The following KLHL18 variants were observed in gnomAD, a reference collection of about 807,000 sequenced individuals.
The protein encoded by KLHL18 is kelch like family member 18.
In KLHL18, 38 loss-of-function variants were observed where a neutral mutation model predicts 58.5. The observed-to-expected ratio is 0.65, with a 90% CI of 0.50 to 0.85. KLHL18 has a LOEUF of 0.85. Among genes scored for constraint, KLHL18 ranks in the 40% least tolerant of loss-of-function variants. KLHL18 has a pLI of 0.00. For synonymous variants in KLHL18, 303 were observed against 301.9 expected, an observed-to-expected ratio of 1.00 and a Z score of -0.04; for missense variants, 624 against 778.4, an observed-to-expected ratio of 0.80 and a Z score of 2.36.
chr3:47,318,133 G>A (rs1232247637), intron 1 of KLHL18, among the ~76,000 whole-genome samples: 2 of 152,176 alleles, frequency 1.3e-5, no homozygotes, highest in Non-Finnish European at 2.9e-5. Flanking sequence ...CCAAAGTGCT[G>A]GGATTACAGG....
chr3:47,300,976 A>G (rs1163907970), intron 1 of KLHL18, among the ~76,000 whole-genome samples: 1 of 152,062 alleles, frequency 6.6e-6, no homozygotes, highest in Non-Finnish European at 1.5e-5. Flanking sequence ...CTAATGGGTA[A>G]TGATGTTGGA....
At chr3:47,320,217 GTTCT>G (rs1386606950) in intron 2 of KLHL18, among the ~76,000 whole-genome samples, 2 of 152,290 alleles carry the variant, frequency 1.3e-5, no homozygotes, top group East Asian at 3.9e-4. Flanking sequence ...TGATGCAAAT[GTTCT>G]TTCTATTTGT....
At chr3:47,326,411 G>A (rs751979003) in intron 3 of KLHL18, among the ~76,000 whole-genome samples, 14 of 152,234 alleles carry the variant, frequency 9.2e-5, no homozygotes, top group Non-Finnish European at 1.8e-4. Flanking sequence ...AGCTGTGTCA[G>A]CAAGGAAGAA....
chr3:47,299,826 CAAAAAAAAAAAAAAAAA>C (rs55695849), intron 1 of KLHL18, among the ~76,000 whole-genome samples: 2 of 43,788 alleles, frequency 4.6e-5, no homozygotes, highest in Admixed American at 7.9e-4. Context: ...TACTGTGTCT[CAAAAAAAAAAAAAAAAA>C]AAAAAAAAAA....
chr3:47,304,771 C>G (rs1046397069), intron 1 of KLHL18, among the ~76,000 whole-genome samples: 2 of 152,114 alleles, frequency 1.3e-5, no homozygotes, highest in African/African-American at 4.8e-5. Context: ...CACTTGTAAT[C>G]CCAACACTTT....
intron 1 of KLHL18, among the ~76,000 whole-genome samples, chr3:47,294,560 G>A (rs1284742854): frequency 1.3e-5 from 2 of 152,172 alleles, no homozygotes; most frequent in Non-Finnish European, 2.9e-5. Flanking sequence ...CACACTTGGT[G>A]TTTTGGGGAA....
chr3:47,344,295 A>C lies in KLHL18; in HGVS notation c.*354A>C, dbSNP rs1704179683. On this transcript the variant is annotated 3_prime_UTR_variant, in exon 10 of 10. Coordinates refer to ENST00000232766, the MANE Select transcript of KLHL18 (RefSeq NM_025010.5). ...GAAGGCCTTCCATCTGATGCTCCCCATCGCCTGCTTGCTCTCCAGCCGAGT... is the reference window on the plus strand; with the variant it reads ...GAAGGCCTTCCATCTGATGCTCCCCCTCGCCTGCTTGCTCTCCAGCCGAGT... The C allele has an allele frequency of 3.3e-6, 1 of 305,712 alleles. No homozygotes were observed. Among genetic ancestry groups the C allele is most frequent in the African/African-American group, 2.2e-5 (1 of 44,998 alleles). The allele number at this position is 305,712 out of a possible 1,614,324, so 18.9% of individuals were successfully genotyped here. A position where few individuals can be genotyped will look rare whatever the true frequency, so the allele number is the denominator to read the frequency against.
intron 1 of KLHL18, among the ~76,000 whole-genome samples, chr3:47,285,897 G>A (rs1312090248): frequency 2.6e-5 from 4 of 152,102 alleles, no homozygotes; most frequent in African/African-American, 9.7e-5. Context: ...AAAATTAGCT[G>A]TAGTGGTGTG....
At chr3:47,305,681 TATTA>T (rs141453045) in intron 1 of KLHL18, among the ~76,000 whole-genome samples, 2,453 of 152,252 alleles carry the variant, frequency 0.016, 58 homozygotes, top group Admixed American at 0.042. Flanking sequence ...TTAAAATTGG[TATTA>T]ATTCTATTTT....
chr3:47,302,352 G>A (rs1266264937), intron 1 of KLHL18, among the ~76,000 whole-genome samples: 1 of 152,106 alleles, frequency 6.6e-6, no homozygotes, highest in African/African-American at 2.4e-5. Flanking sequence ...GGGTGTGGTG[G>A]CGTGCACCTG....
At chr3:47,294,064 C>T (rs1011364308) in intron 1 of KLHL18, among the ~76,000 whole-genome samples, 1 of 152,100 alleles carries the variant, frequency 6.6e-6, no homozygotes, top group Non-Finnish European at 1.5e-5. Context: ...TTTACCTAAC[C>T]CAGGATTTCT....
intron 1 of KLHL18, 117 bp downstream of exon 1, chr3:47,283,211 GA>G (rs1479022291): frequency 1.2e-6 from 1 of 807,890 alleles, no homozygotes; most frequent in African/African-American, 1.8e-5. Flanking sequence ...GAAGAGGTGT[GA>G]GGGGGGCCGA....
At chr3:47,303,896 A>ATT (rs55807798) in intron 1 of KLHL18, among the ~76,000 whole-genome samples, 4,558 of 149,280 alleles carry the variant, frequency 0.031, 138 homozygotes, top group Non-Finnish European at 0.037. Context: ...CTAATTTTTA[A>ATT]TTTTTTTTTT....
chr3:47,300,395 G>A (rs1035637008), intron 1 of KLHL18, among the ~76,000 whole-genome samples: 4 of 16,350 alleles, frequency 2.4e-4, no homozygotes, highest in African/African-American at 3.2e-4. Context: ...ATGTGTATAT[G>A]TGTGTGTGTG....
chr3:47,332,758 AGAG>A (rs1248895678), intron 4 of KLHL18, among the ~76,000 whole-genome samples: 1 of 151,878 alleles, frequency 6.6e-6, no homozygotes, highest in Non-Finnish European at 1.5e-5. Flanking sequence ...GTTTAGATGA[AGAG>A]GAGGAGATGA....
intron 1 of KLHL18, among the ~76,000 whole-genome samples, chr3:47,311,886 A>G (rs927303766): frequency 6.6e-6 from 1 of 152,222 alleles, no homozygotes; most frequent in Non-Finnish European, 1.5e-5. Context: ...GGCAAGCAGG[A>G]GTACTGCATT....
At position 47,283,002 on chromosome 3, in the gene KLHL18, G is replaced by A. The variant is rs779724356; in HGVS notation, c.37G>A (p.Val13Met). The change falls in exon 1 of 10, where the codon GTG becomes ATG. Residue 13 changes from valine to methionine, a missense_variant. Coordinates refer to ENST00000232766, the MANE Select transcript of KLHL18 (RefSeq NM_025010.5). ...EDGAEELEDL[V>M]HFSVSELPSR... Reference sequence around the variant, plus strand: ...CGGCGCGGAGGAGCTGGAGGATCTGGTGCACTTCTCCGTGTCTGAGTTGCC... The same window carrying A: ...CGGCGCGGAGGAGCTGGAGGATCTGATGCACTTCTCCGTGTCTGAGTTGCC... 8.7e-6 allele frequency: 14 copies of A among 1,611,164 alleles called. No homozygotes were observed. In the East Asian group the frequency reaches 3.1e-4, roughly 36 times the overall value.
chr3:47,322,471 C>T, intron 2 of KLHL18, 97 bp from the exon 3 acceptor site: 3 of 1,216,522 alleles, frequency 2.5e-6, no homozygotes, highest in Non-Finnish European at 3.3e-6. Context: ...TCTCAAAGGG[C>T]CTGGGCTAAG....
intron 1 of KLHL18, among the ~76,000 whole-genome samples, chr3:47,319,096 C>G (rs1164871816): frequency 6.6e-6 from 1 of 152,234 alleles, no homozygotes; most frequent in Non-Finnish European, 1.5e-5. Context: ...GGATTTGACA[C>G]TCATTGGAGG....
Sources: gnomAD v4.1 joint callset for allele counts (sites outside exome capture counted in the v4.1 genomes callset) on GRCh38, gnomAD v4.1.1 for gene constraint, MANE v1.5 for transcripts, NCBI Gene and HGNC (gene_info 2026-07-23, HGNC 2026-07-21) for gene names.